Variants in GOLIM4 observed in about 807,000 individuals in gnomAD.
The protein encoded by GOLIM4 is 130 kDa golgi-localized phosphoprotein.
A neutral mutation model predicts 107.4 loss-of-function variants in GOLIM4; 71 were observed. The ratio of observed to expected loss-of-function variants is 0.66; its 90% CI spans 0.55 to 0.81. The LOEUF (loss-of-function observed/expected upper bound fraction) is 0.81. Ranked by LOEUF, GOLIM4 falls within the 30% of genes least tolerant of loss-of-function variation. GOLIM4 has a pLI of 0.00. For missense variants in GOLIM4, 830 were observed against 826.1 expected, an observed-to-expected ratio of 1.00 and a Z score of -0.06; for synonymous variants, 327 against 294.8, an observed-to-expected ratio of 1.11 and a Z score of -1.12.
chr3:168,041,196 A>T lies in GOLIM4; in HGVS notation c.600+196T>A, dbSNP rs1404488618. 4 of 531,872 alleles carry T rather than the reference A, an allele frequency of 7.5e-6. No homozygotes were observed. In the African/African-American group the frequency reaches 7.6e-5, roughly 10 times the overall value. The allele number at this position is 531,872 out of a possible 1,614,324, so 32.9% of individuals were successfully genotyped here. ...GAGAATAATTTCAGTACTAATGAGA[A>T]TATTCAGATTTTCAGACCATCTTTT... On this transcript the variant is annotated intron_variant, in intron 6 of 15. Coordinates refer to ENST00000470487, the MANE Select transcript of GOLIM4 (RefSeq NM_014498.5).
Position 168,043,477 on chromosome 3 carries a change from C to A in GOLIM4, c.419G>T (p.Arg140Leu). ...TCTACTGAAGTCTTCCCCTTGTTTG[C>A]GATGTTCCTCTTCCAAGTCACTGTG... is the stretch of plus-strand genomic sequence containing the variant. ...KQHSDLEEEHRKQGEDFSRTF... is the reference protein window; with the variant it reads ...KQHSDLEEEHLKQGEDFSRTF... The change falls in exon 5 of 16, where the codon CGC becomes CTC. Residue 140 changes from arginine (R) to leucine (L), a missense_variant. By Grantham distance (102) the Arg-to-Leu change is moderately radical (BLOSUM62 -2). Coordinates refer to ENST00000470487, the MANE Select transcript of GOLIM4 (RefSeq NM_014498.5). 6.2e-7 allele frequency: 1 copy of A among 1,613,234 alleles called. No individual in the cohort carries two copies. The highest frequency in any genetic ancestry group is 1.1e-5 in the South Asian group (1 of 90,956).
At chr3:168,012,480 G>T (rs1344572332) in intron 14 of GOLIM4, among the ~76,000 whole-genome samples, 1 of 146,638 alleles carries the variant, frequency 6.8e-6, no homozygotes, top group Non-Finnish European at 1.5e-5. Flanking sequence ...ATATTATCCA[G>T]GAGAACTTCC....
chr3:168,093,348 AT>A (rs1337560214), intron 1 of GOLIM4, among the ~76,000 whole-genome samples: 1 of 152,230 alleles, frequency 6.6e-6, no homozygotes, highest in African/African-American at 2.4e-5. Flanking sequence ...GTTCAGAATA[AT>A]TTTTGTTTGT....
At chr3:168,046,828 C>T in intron 3 of GOLIM4, 122 bp downstream of exon 3, 1 of 458,176 alleles carries the variant, frequency 2.2e-6, no homozygotes, top group Non-Finnish European at 3.8e-6. Context: ...AAGGGGGTGT[C>T]AGTCCTATAA....
intron 1 of GOLIM4, among the ~76,000 whole-genome samples, chr3:168,069,270 C>A (rs13323082): frequency 1.3e-5 from 2 of 151,992 alleles, no homozygotes; most frequent in Non-Finnish European, 2.9e-5. Context: ...TGGAAGAAAG[C>A]GAAAGATAAA....
At position 168,010,268 on chromosome 3, in the gene GOLIM4, G is replaced by A. The variant is rs373039345; in HGVS notation, c.*1C>T. The A allele has an allele frequency of 1.1e-4, 184 of 1,607,582 alleles. 1 individual carries two copies. The Admixed American group carries it at 1.5e-3, about 13-fold the overall frequency. On this transcript the variant is annotated 3_prime_UTR_variant, in exon 16 of 16. Coordinates refer to ENST00000470487, the MANE Select transcript of GOLIM4 (RefSeq NM_014498.5). ...GAGCGTTGTCTAGAAATTGGGTGCC[G>A]CTACATTTCAGCTCTTCGATGTGAT...
In GOLIM4 at chr3:168,041,414, T is replaced by C. The variant is rs545691754; in HGVS notation, c.578A>G (p.His193Arg). 4 of 1,588,486 alleles carry C rather than the reference T, an allele frequency of 2.5e-6. No individual in the cohort carries two copies. Among genetic ancestry groups the C allele is most frequent in the Admixed American group, 3.3e-5 (2 of 59,966 alleles). ...TACCTTGACATCTTGAAGCTGTGTATGTATGTCTTGGTGTGCTTTCCTTAG... is the reference window on the plus strand; with the variant it reads ...TACCTTGACATCTTGAAGCTGTGTACGTATGTCTTGGTGTGCTTTCCTTAG... ...RQLRKAHQDI[H>R]TQLQDVKQQH... The change falls in exon 6 of 16, where the codon CAT becomes CGT. Residue 193 changes from histidine to arginine, a missense_variant. Physicochemically the swap from His to Arg is conservative, Grantham distance 29. Transcript: ENST00000470487.
At chr3:168,039,842 T>C (rs946479805) in intron 7 of GOLIM4, among the ~76,000 whole-genome samples, 2 of 152,166 alleles carry the variant, frequency 1.3e-5, no homozygotes, top group Non-Finnish European at 2.9e-5. Flanking sequence ...ATTTCATTTA[T>C]ACACATGTAA....
At chr3:168,021,210 C>T (rs570147687) in intron 14 of GOLIM4, among the ~76,000 whole-genome samples, 5 of 152,302 alleles carry the variant, frequency 3.3e-5, no homozygotes, top group African/African-American at 7.2e-5. Flanking sequence ...TTCTTTTACA[C>T]ATTGAAGATA....
At chr3:168,052,365 T>TGC (rs1444274767) in intron 1 of GOLIM4, among the ~76,000 whole-genome samples, 2 of 151,894 alleles carry the variant, frequency 1.3e-5, no homozygotes, top group African/African-American at 4.8e-5. Flanking sequence ...CATATATATA[T>TGC]ATATACACAT....
chr3:168,010,039 T>G lies in GOLIM4; in HGVS notation c.*230A>C. 2.7e-6 allele frequency: 1 copy of G among 365,734 alleles called. No individual in the cohort carries two copies. 22.7% of individuals were successfully genotyped at this position (365,734 alleles called of 1,614,324 possible). A position where few individuals can be genotyped will look rare whatever the true frequency, so the allele number is the denominator to read the frequency against. ...TGGGACGTGGGGGCTCAGGTTTACT[T>G]TATTGTTTTTCTTCTTTTTCATGTT... On this transcript the variant is annotated 3_prime_UTR_variant, in exon 16 of 16. Transcript: ENST00000470487.
chr3:168,014,321 T>C (rs1273426133), intron 14 of GOLIM4, among the ~76,000 whole-genome samples: 1 of 147,460 alleles, frequency 6.8e-6, no homozygotes, highest in Admixed American at 6.7e-5. Context: ...ACACATACAC[T>C]CTCCCAAGAC....
Position 168,029,294 on chromosome 3 carries a change from G to A in GOLIM4, c.1442C>T (p.Ala481Val). Residue 481 changes from alanine (A) to valine (V), a missense_variant, in exon 11 of 16, where the codon GCT becomes GTT. Physicochemically the swap from Ala to Val is moderately conservative, Grantham distance 64 (BLOSUM62 0). Transcript: ENST00000470487. ...PQHQEQLRQQAHYDAMDNDIV... is the reference protein window; with the variant it reads ...PQHQEQLRQQVHYDAMDNDIV... ...ATCATTATCCATAGCATCATAATGAGCTTGCTGCCTACAAGAGACACAAAC... is the reference window on the plus strand; with the variant it reads ...ATCATTATCCATAGCATCATAATGAACTTGCTGCCTACAAGAGACACAAAC... The A allele has an allele frequency of 1.9e-6, 3 of 1,601,306 alleles. No homozygotes were observed. The highest frequency in any genetic ancestry group is 4.5e-5 in the East Asian group (2 of 44,498).
chr3:168,032,962 C>G, intron 8 of GOLIM4, 110 bp from the exon 9 acceptor site: 1 of 797,386 alleles, frequency 1.3e-6, no homozygotes, highest in Non-Finnish European at 2.0e-6. Context: ...AAGAAGGTGT[C>G]TAGAAATATA....
At chr3:168,039,349 G>A (rs550222748) in intron 7 of GOLIM4, among the ~76,000 whole-genome samples, 10 of 149,316 alleles carry the variant, frequency 6.7e-5, no homozygotes, top group African/African-American at 2.2e-4. Flanking sequence ...TGCAGCCTCC[G>A]CCCCGCTGGG....
At chr3:168,035,850 G>GA (rs199624045) in intron 8 of GOLIM4, among the ~76,000 whole-genome samples, 2,620 of 136,614 alleles carry the variant, frequency 0.019, 46 homozygotes, top group African/African-American at 0.057. Context: ...CAGATGATTG[G>GA]AAAAAAAAAA....
At chr3:168,014,306 C>T (rs920220592) in intron 14 of GOLIM4, among the ~76,000 whole-genome samples, 3 of 149,600 alleles carry the variant, frequency 2.0e-5, no homozygotes, top group African/African-American at 7.6e-5. Flanking sequence ...TGGATAAATT[C>T]CTCGACACAT....
chr3:168,055,899 G>A (rs1158328049), intron 1 of GOLIM4, among the ~76,000 whole-genome samples: 2 of 152,020 alleles, frequency 1.3e-5, no homozygotes, highest in African/African-American at 4.8e-5. Flanking sequence ...GCAGCCTGAT[G>A]AATGTGACAG....
chr3:168,050,416 GC>G (rs1719549971), intron 1 of GOLIM4, among the ~76,000 whole-genome samples: 1 of 152,124 alleles, frequency 6.6e-6, no homozygotes, highest in South Asian at 2.1e-4. Context: ...TGTAAGATTA[GC>G]CCTATAGAAC....
Sources: allele counts gnomAD v4.1 joint callset (sites outside exome capture counted in the v4.1 genomes callset), GRCh38; gene constraint gnomAD v4.1.1; transcripts MANE v1.5; gene names NCBI Gene and HGNC (gene_info 2026-07-23, HGNC 2026-07-21).